Variants in KCNB2 observed in about 807,000 individuals in gnomAD.
The protein encoded by KCNB2 is potassium voltage-gated channel subfamily B member 2, also known as delayed rectifier potassium channel protein.
Under a neutral mutation model 61.5 loss-of-function variants are expected in KCNB2, and 15 were observed. The observed-to-expected ratio is 0.24, with a 90% CI of 0.16 to 0.38. The LOEUF is 0.38. Among genes scored for constraint, KCNB2 ranks in the 10% least tolerant of loss-of-function variants. The pLI, the probability that KCNB2 is intolerant of heterozygous loss-of-function variation, is 1.00. For synonymous variants in KCNB2, 457 were observed against 446.0 expected, an observed-to-expected ratio of 1.02 and a Z score of -0.31; for missense variants, 828 against 1,125.2, an observed-to-expected ratio of 0.74 and a Z score of 3.78.
Position 72,905,049 on chromosome 8 carries a change from A to G in KCNB2, c.580-30886A>G, listed in dbSNP as rs1806152866. Among the ~76,000 whole-genome samples, 6 of 152,150 alleles carry G rather than the reference A, an allele frequency of 3.9e-5. No individual in the cohort carries two copies. In the South Asian group the frequency reaches 1.0e-3, roughly 26 times the overall value. On this transcript the variant is annotated intron_variant, in intron 2 of 2. Coordinates refer to ENST00000523207, the MANE Select transcript of KCNB2 (RefSeq NM_004770.3). ...TGATGATCATGATGATCTTTTAACC[A>G]TGAAACACCTGCTAAGTACTGACTT...
Position 72,937,507 on chromosome 8 carries a change from A to C in KCNB2, c.2152A>C (p.Asn718His), listed in dbSNP as rs1806944218. Reference sequence around the variant, plus strand: ...ACTAAAGTCCAGATCCCTCAAAGTGAACTTTAAGGAAAATAGAGGCAGTGC... The same window carrying C: ...ACTAAAGTCCAGATCCCTCAAAGTGCACTTTAAGGAAAATAGAGGCAGTGC... ...NPLKSRSLKVNFKENRGSAPQ... is the reference protein window; with the variant it reads ...NPLKSRSLKVHFKENRGSAPQ... The change falls in exon 3 of 3, where the codon AAC (asparagine) becomes CAC (histidine). Residue 718 changes from asparagine to histidine, a missense_variant. Asn to His is a moderately conservative substitution (Grantham distance 68, BLOSUM62 1). Around this residue, in one of 4 missense-constraint regions of KCNB2, gnomAD observed 559 missense variants for 588.4 expected, o/e 0.95. Transcript: ENST00000523207. The C allele has an allele frequency of 6.2e-7, 1 of 1,613,718 alleles. No homozygotes were observed. The highest frequency in any genetic ancestry group is 1.7e-5 in the Admixed American group (1 of 59,962).
intron 2 of KCNB2, among the ~76,000 whole-genome samples, chr8:72,693,982 G>A (rs1268719050): frequency 6.6e-6 from 1 of 152,036 alleles, no homozygotes; most frequent in Non-Finnish European, 1.5e-5. Context: ...ATATAATATA[G>A]AATGTTTATC....
chr8:72,586,114 A>G (rs141213339), intron 2 of KCNB2, among the ~76,000 whole-genome samples: 1 of 152,226 alleles, frequency 6.6e-6, no homozygotes, highest in South Asian at 2.1e-4. Context: ...CCTTAGGCTT[A>G]CCAGAATGAA....
At chr8:72,725,972 A>G (rs114428955) in intron 2 of KCNB2, among the ~76,000 whole-genome samples, 3,261 of 152,238 alleles carry the variant, frequency 0.021, 111 homozygotes, top group African/African-American at 0.075. Flanking sequence ...GATATGTGAT[A>G]AGGATGTTTA....
At chr8:72,632,819 A>C (rs1316871710) in intron 2 of KCNB2, among the ~76,000 whole-genome samples, 3 of 152,194 alleles carry the variant, frequency 2.0e-5, no homozygotes, top group Non-Finnish European at 4.4e-5. Flanking sequence ...ACCCCCGCCC[A>C]ATATGGCAGC....
chr8:72,852,170 G>C (rs1441324099), intron 2 of KCNB2, among the ~76,000 whole-genome samples: 9 of 152,226 alleles, frequency 5.9e-5, no homozygotes, highest in Admixed American at 5.9e-4. Flanking sequence ...TGAGGCAGGA[G>C]AATCACTTGA....
intron 2 of KCNB2, among the ~76,000 whole-genome samples, chr8:72,775,390 T>C (rs1304203593): frequency 6.6e-6 from 1 of 152,114 alleles, no homozygotes; most frequent in Non-Finnish European, 1.5e-5. Flanking sequence ...GGCTGCCAAT[T>C]TTGAGCCCTG....
chr8:72,649,689 G>C (rs981972249), intron 2 of KCNB2, among the ~76,000 whole-genome samples: 1 of 152,106 alleles, frequency 6.6e-6, no homozygotes, highest in East Asian at 1.9e-4. Context: ...AAAGTGTTGA[G>C]CAGTGTATTA....
At chr8:72,567,421 A>T (rs1806640776) in intron 1 of KCNB2, among the ~76,000 whole-genome samples, 1 of 152,172 alleles carries the variant, frequency 6.6e-6, no homozygotes, top group African/African-American at 2.4e-5. Context: ...CACTGAATAC[A>T]CAACCTCTTC....
At chr8:72,736,319 G>A (rs544531150) in intron 2 of KCNB2, among the ~76,000 whole-genome samples, 1 of 152,092 alleles carries the variant, frequency 6.6e-6, no homozygotes, top group East Asian at 1.9e-4. Context: ...AAGATGTTTG[G>A]ATATGAGGTT....
intron 2 of KCNB2, among the ~76,000 whole-genome samples, chr8:72,858,235 A>G (rs1810237863): frequency 6.6e-6 from 1 of 152,238 alleles, no homozygotes. Flanking sequence ...GTTCAGATAG[A>G]TAACATTTTT....
At chr8:72,794,024 T>C (rs1221460473) in intron 2 of KCNB2, among the ~76,000 whole-genome samples, 1 of 152,222 alleles carries the variant, frequency 6.6e-6, no homozygotes, top group Non-Finnish European at 1.5e-5. Flanking sequence ...ATTAACTAAC[T>C]GAATGGCTTT....
intron 2 of KCNB2, among the ~76,000 whole-genome samples, chr8:72,824,213 A>G (rs893892): frequency 0.65 from 98,662 of 151,234 alleles, 32,399 homozygotes; most frequent in Middle Eastern, 0.76. Flanking sequence ...GGCCACCTTC[A>G]TGCCACCCCC....
At chr8:72,686,369 A>G (rs561266850) in intron 2 of KCNB2, among the ~76,000 whole-genome samples, 6 of 152,036 alleles carry the variant, frequency 3.9e-5, no homozygotes, top group Non-Finnish European at 7.4e-5. Flanking sequence ...TTTTTTTGAA[A>G]CAAGGTCTTG....
rs551013794 is a variant in KCNB2, at chr8:72,698,838, C to T, written c.579+130525C>T. Among the ~76,000 whole-genome samples, 10 of 152,234 alleles carry T rather than the reference C, an allele frequency of 6.6e-5. No homozygotes were observed. In the South Asian group the frequency reaches 2.1e-3, roughly 32 times the overall value. On this transcript the variant is annotated intron_variant, in intron 2 of 2. Coordinates refer to ENST00000523207, the MANE Select transcript of KCNB2 (RefSeq NM_004770.3). ...TCAGAAGAAAGAAACTGGACTTCCA[C>T]CTTTCACCAGATAAAAAAATTAACT...
intron 2 of KCNB2, among the ~76,000 whole-genome samples, chr8:72,930,234 G>A (rs11780244): frequency 0.48 from 71,491 of 150,464 alleles, 17,634 homozygotes; most frequent in East Asian, 0.89. Flanking sequence ...GGTCTTTGCT[G>A]TTGTGAATAG....
chr8:72,631,985 T>C (rs897393888), intron 2 of KCNB2, among the ~76,000 whole-genome samples: 4 of 152,218 alleles, frequency 2.6e-5, no homozygotes, highest in Non-Finnish European at 4.4e-5. Flanking sequence ...GCTTGTAATC[T>C]CAACACTTGG....
chr8:72,590,138 C>G (rs903959268), intron 2 of KCNB2, among the ~76,000 whole-genome samples: 3 of 152,126 alleles, frequency 2.0e-5, no homozygotes, highest in Non-Finnish European at 4.4e-5. Context: ...TGTAGACACC[C>G]AGAGTCATTT....
intron 2 of KCNB2, among the ~76,000 whole-genome samples, chr8:72,823,311 T>C (rs1488336636): frequency 6.6e-6 from 1 of 152,136 alleles, no homozygotes; most frequent in African/African-American, 2.4e-5. Context: ...CAGTGTCAGC[T>C]GCAGTGCTCT....
Sources: allele counts gnomAD v4.1 joint callset (sites outside exome capture counted in the v4.1 genomes callset), GRCh38; gene constraint gnomAD v4.1.1; regional missense constraint gnomAD v4.1.1; transcripts MANE v1.5; gene names NCBI Gene and HGNC (gene_info 2026-07-23, HGNC 2026-07-21).